RYR2: variants seen among roughly 807,000 people sequenced by gnomAD.
RYR2 encodes cardiac muscle ryanodine receptor-calcium release channel.
A neutral mutation model predicts 601.1 loss-of-function variants in RYR2; 227 were observed. That is an observed-to-expected ratio of 0.38 (90% CI 0.34 to 0.42). The LOEUF (loss-of-function observed/expected upper bound fraction) is 0.42. Ranked by LOEUF, RYR2 falls within the 10% of genes least tolerant of loss-of-function variation. The probability of loss-of-function intolerance (pLI) is 1.00; values close to 1 mark genes in which losing one functional copy is unlikely to be tolerated. For missense variants in RYR2, 4,646 were observed against 6,156.5 expected, an observed-to-expected ratio of 0.75 and a Z score of 8.21; for synonymous variants, 2,223 against 2,175.1, an observed-to-expected ratio of 1.02 and a Z score of -0.61.
chr1:237,588,939 T>C (rs965833752), intron 29 of RYR2, among the ~76,000 whole-genome samples: 2 of 152,162 alleles, frequency 1.3e-5, no homozygotes, highest in Non-Finnish European at 2.9e-5. Context: ...TCTCATTGTC[T>C]TGCCAATCAA....
intron 1 of RYR2, among the ~76,000 whole-genome samples, chr1:237,046,110 T>G (rs1660571978): frequency 6.6e-6 from 1 of 152,174 alleles, no homozygotes; most frequent in Admixed American, 6.5e-5. Flanking sequence ...TTCATACATC[T>G]TGTTCCACAA....
chr1:237,235,167 C>A (rs1572300194), intron 1 of RYR2, among the ~76,000 whole-genome samples: 1 of 152,136 alleles, frequency 6.6e-6, no homozygotes, highest in Admixed American at 6.5e-5. Context: ...ATAGTATTTG[C>A]AAAAGAGTAG....
chr1:237,739,471 T>C (rs16835681), intron 79 of RYR2, among the ~76,000 whole-genome samples: 3,540 of 152,268 alleles, frequency 0.023, 102 homozygotes, highest in African/African-American at 0.076. Flanking sequence ...TTGAATAAGG[T>C]AACAGTATGG....
chr1:237,088,058 T>C (rs940901677), intron 1 of RYR2, among the ~76,000 whole-genome samples: 2 of 152,220 alleles, frequency 1.3e-5, no homozygotes, highest in African/African-American at 2.4e-5. Context: ...CATTTCTGCC[T>C]TTGGAAATTA....
rs979324145 is a variant in RYR2 at position 237,307,902 on chromosome 1, G to A, written c.169-22976G>A. On this transcript the variant is annotated intron_variant, in intron 2 of 104. Coordinates refer to ENST00000366574, the MANE Select transcript of RYR2 (RefSeq NM_001035.3). ...TTGCATAATATTATCAGAGGCATTC[G>A]AGCCAGAGCGACTCCATTTTGAGTG... Among the ~76,000 whole-genome samples, 5 of 152,246 alleles carry A rather than the reference G, an allele frequency of 3.3e-5. No individual in the cohort carries two copies. In the East Asian group the frequency reaches 5.8e-4, roughly 18 times the overall value.
intron 16 of RYR2, 101 bp downstream of exon 16, chr1:237,456,836 G>T (rs1658891215): frequency 1.5e-6 from 2 of 1,339,472 alleles, no homozygotes; most frequent in Non-Finnish European, 2.0e-6. Flanking sequence ...CAGCAATTTG[G>T]GAGGCTGAGG....
At chr1:237,184,197 C>T (rs1679094734) in intron 1 of RYR2, among the ~76,000 whole-genome samples, 1 of 152,006 alleles carries the variant, frequency 6.6e-6, no homozygotes. Flanking sequence ...GCCTACATTC[C>T]AAGCAAGACT....
intron 29 of RYR2, among the ~76,000 whole-genome samples, chr1:237,589,047 GC>G (rs1360107978): frequency 6.6e-6 from 1 of 152,092 alleles, no homozygotes; most frequent in Non-Finnish European, 1.5e-5. Flanking sequence ...CATGGGAAGA[GC>G]TTATGAAATA....
At chr1:237,650,210 A>G in intron 50 of RYR2, 113 bp downstream of exon 50, 3 of 1,031,268 alleles carry the variant, frequency 2.9e-6, no homozygotes, top group Non-Finnish European at 2.9e-6. Flanking sequence ...CACAAATTTA[A>G]TTCATTTTAG....
At chr1:237,503,120 A>G (rs1278574351) in intron 21 of RYR2, among the ~76,000 whole-genome samples, 169 bp from the exon 22 acceptor site, 3 of 152,162 alleles carry the variant, frequency 2.0e-5, no homozygotes, top group Non-Finnish European at 2.9e-5. Context: ...ACCTTTTACA[A>G]TTAGAGGCCC....
intron 14 of RYR2, 102 bp from the exon 15 acceptor site, chr1:237,454,289 G>A: frequency 8.4e-7 from 1 of 1,189,238 alleles, no homozygotes; most frequent in Non-Finnish European, 1.2e-6. Flanking sequence ...CCCTTTTACA[G>A]TGATGTAGGG....
At chr1:237,687,081 A>G (rs1001677297) in intron 62 of RYR2, among the ~76,000 whole-genome samples, 1 of 152,182 alleles carries the variant, frequency 6.6e-6, no homozygotes, top group Admixed American at 6.5e-5. Context: ...TCAGTGGTAC[A>G]TTTGGGCAGA....
intron 1 of RYR2, among the ~76,000 whole-genome samples, chr1:237,212,212 C>T (rs1210488562): frequency 6.6e-6 from 1 of 152,094 alleles, no homozygotes; most frequent in African/African-American, 2.4e-5. Context: ...TAATTACCCC[C>T]ATGCTTATTT....
At chr1:237,487,639 G>A (rs1418697318) in intron 17 of RYR2, among the ~76,000 whole-genome samples, 1 of 151,430 alleles carries the variant, frequency 6.6e-6, no homozygotes, top group East Asian at 1.9e-4. Context: ...AGGCTAAGGT[G>A]GGAGGATTGC....
intron 6 of RYR2, among the ~76,000 whole-genome samples, chr1:237,371,334 A>G (rs776927696): frequency 6.6e-6 from 1 of 151,938 alleles, no homozygotes; most frequent in Non-Finnish European, 1.5e-5. Flanking sequence ...TTTTAAATTT[A>G]TTGTAGAGAT....
In RYR2 at chr1:237,090,015, G is replaced by A. The variant is rs922968308; in HGVS notation, c.48+47446G>A. ...AGGAAACTTACAATCATGGCAGAAGGCACCTCTTCACAGGGCGGCAGGAGA... is the reference window on the plus strand; with the variant it reads ...AGGAAACTTACAATCATGGCAGAAGACACCTCTTCACAGGGCGGCAGGAGA... On this transcript the variant is annotated intron_variant, in intron 1 of 104. Transcript: ENST00000366574. Among the ~76,000 whole-genome samples, 5 of 152,182 alleles carry A rather than the reference G, an allele frequency of 3.3e-5. No individual in the cohort carries two copies. In the East Asian group the frequency reaches 5.8e-4, roughly 18 times the overall value.
chr1:237,100,545 C>T (rs1203431217), intron 1 of RYR2, among the ~76,000 whole-genome samples: 1 of 152,044 alleles, frequency 6.6e-6, no homozygotes, highest in Non-Finnish European at 1.5e-5. Context: ...CACCACCACA[C>T]CCGGCTATTT....
chr1:237,629,218 A>G (rs1423553010), intron 41 of RYR2, among the ~76,000 whole-genome samples: 1 of 152,146 alleles, frequency 6.6e-6, no homozygotes, highest in East Asian at 1.9e-4. Context: ...TGAAAATAAG[A>G]TGGAAAAATT....
chr1:237,444,115 T>A (rs1708134118), intron 13 of RYR2, among the ~76,000 whole-genome samples: 1 of 152,204 alleles, frequency 6.6e-6, no homozygotes, highest in East Asian at 1.9e-4. Context: ...CCATTCTTTG[T>A]GTTTTTACTT....
Sources: gnomAD v4.1 joint callset for allele counts (sites outside exome capture counted in the v4.1 genomes callset) on GRCh38, gnomAD v4.1.1 for gene constraint, MANE v1.5 for transcripts, NCBI Gene and HGNC (gene_info 2026-07-23, HGNC 2026-07-21) for gene names.